The following TMEM232 variants were observed in gnomAD, a reference collection of about 807,000 sequenced individuals.
The protein encoded by TMEM232 is transmembrane protein 232.
A neutral mutation model predicts 78.8 loss-of-function variants in TMEM232; 80 were observed. The observed-to-expected ratio is 1.01, with a 90% CI of 0.85 to 1.22. The LOEUF (loss-of-function observed/expected upper bound fraction) is 1.22. TMEM232 is among the 50% of genes most tolerant of loss of function. TMEM232 has a pLI of 0.00. For synonymous variants in TMEM232, 297 were observed against 254.3 expected (o/e 1.17, Z -1.60); for missense variants, 881 against 742.2 (o/e 1.19, Z -2.17).
intron 1 of TMEM232, among the ~76,000 whole-genome samples, chr5:110,688,474 G>A (rs1417474375): frequency 1.1e-4 from 16 of 152,100 alleles, no homozygotes. Context: ...TCCTCTGTTG[G>A]AGTAGCACTC....
chr5:110,733,118 AT>A (rs1252967750), intron 2 of TMEM232, among the ~76,000 whole-genome samples: 1 of 152,234 alleles, frequency 6.6e-6, no homozygotes, highest in African/African-American at 2.4e-5. Context: ...CAAAAGCACA[AT>A]GAGTTCCCAT....
intron 10 of TMEM232, among the ~76,000 whole-genome samples, chr5:110,584,629 CTCTG>C (rs1168598734): frequency 1.3e-5 from 2 of 152,046 alleles, no homozygotes; most frequent in East Asian, 1.9e-4. Context: ...TTAGTGATGT[CTCTG>C]TCTGTGAACA....
intron 1 of TMEM232, among the ~76,000 whole-genome samples, chr5:110,668,117 T>G (rs1432367592): frequency 1.3e-5 from 2 of 152,076 alleles, no homozygotes; most frequent in Non-Finnish European, 2.9e-5. Context: ...AGTCAAAGTT[T>G]TGGCAGGAAA....
intron 6 of TMEM232, 105 bp from the exon 7 acceptor site, chr5:110,625,538 G>T: frequency 9.9e-7 from 1 of 1,014,510 alleles, no homozygotes; most frequent in Non-Finnish European, 1.3e-6. Flanking sequence ...GTACTTAGAT[G>T]CAGAAACTGC....
rs1260932041 is a variant in TMEM232 at position 110,477,608 on chromosome 5, C to G, written c.1703+50980G>C. Among the ~76,000 whole-genome samples, 3 of 151,762 alleles carry G rather than the reference C, an allele frequency of 2.0e-5. No homozygotes were observed. The South Asian group carries it at 6.2e-4, about 31-fold the overall frequency. On this transcript the variant is annotated intron_variant, in intron 12 of 13. Coordinates refer to ENST00000455884, the MANE Select transcript of TMEM232 (RefSeq NM_001039763.4). ...TCATGGTTGTGTTAACTATTACTCTCTTAAGCCTCCATCTATTCAAAAACC... is the reference window on the plus strand; with the variant it reads ...TCATGGTTGTGTTAACTATTACTCTGTTAAGCCTCCATCTATTCAAAAACC...
intron 3 of TMEM232, among the ~76,000 whole-genome samples, chr5:110,390,984 C>G (rs1292240715): frequency 2.0e-5 from 3 of 152,212 alleles, no homozygotes; most frequent in African/African-American, 7.2e-5. Flanking sequence ...TTGCCTCTGA[C>G]CGGAGTTAGA....
intron 10 of TMEM232, among the ~76,000 whole-genome samples, chr5:110,582,625 G>A (rs1778337869): frequency 6.6e-6 from 1 of 151,884 alleles, no homozygotes; most frequent in South Asian, 2.1e-4. Flanking sequence ...CTCTGGTGAT[G>A]TCTATTTAAC....
chr5:110,726,034 G>A (rs1032632891), intron 1 of TMEM232, among the ~76,000 whole-genome samples: 6 of 150,604 alleles, frequency 4.0e-5, no homozygotes, highest in African/African-American at 1.5e-4. Context: ...TAGACAACTT[G>A]GATATTTTTC....
intron 10 of TMEM232, among the ~76,000 whole-genome samples, chr5:110,588,016 CT>C (rs1416303614): frequency 6.6e-6 from 1 of 151,690 alleles, no homozygotes; most frequent in Non-Finnish European, 1.5e-5. Context: ...TTACTGAATA[CT>C]TTCTTGAATA....
At position 110,556,335 on chromosome 5, in the gene TMEM232, T is replaced by TCCTTCCTCCCTTC. The variant is rs1256247119; in HGVS notation, c.1455+12099_1455+12111dup. Among the ~76,000 whole-genome samples, 38 of 142,160 alleles carry TCCTTCCTCCCTTC rather than the reference T, an allele frequency of 2.7e-4. No individual in the cohort carries two copies. In the East Asian group the frequency reaches 3.9e-3, roughly 14 times the overall value. 93.3% of individuals were successfully genotyped at this position (142,160 alleles called of 152,430 possible). Reference sequence around the variant, plus strand: ...TCCTTTCTTCTTTCCTTCCTCCCTTTCCTTCCTCCCTTCCCTTCCCTTCCC... The same window carrying TCCTTCCTCCCTTC: ...TCCTTTCTTCTTTCCTTCCTCCCTTTCCTTCCTCCCTTCCCTTCCTCCCTTCCCTTCCCTTCCC... On this transcript the variant is annotated intron_variant, in intron 11 of 13. Transcript: ENST00000455884.
chr5:110,508,365 A>G (rs1347481785), intron 12 of TMEM232, among the ~76,000 whole-genome samples: 8 of 151,798 alleles, frequency 5.3e-5, no homozygotes, highest in Non-Finnish European at 1.2e-4. Flanking sequence ...CCCTTTAAAA[A>G]ACGAGGTAGG....
downstream of TMEM232, chr5:110,417,618 C>CTTTTTTTTTTTTTTTTTT (rs1181888424): frequency 8.4e-6 from 1 of 119,288 alleles, no homozygotes; most frequent in Non-Finnish European, 1.8e-5. Context: ...TTTTCTTTTT[C>CTTTTTTTTTTTTTTTTTT]TTTTTTTTTT....
At chr5:110,490,122 A>C (rs1293950662) in intron 12 of TMEM232, among the ~76,000 whole-genome samples, 1 of 13,018 alleles carries the variant, frequency 7.7e-5, no homozygotes, top group Admixed American at 7.1e-4. Context: ...TCCGTTTCAA[A>C]AAGAAAGAAA....
At chr5:110,579,547 T>A (rs1384287123) in intron 10 of TMEM232, among the ~76,000 whole-genome samples, 1 of 151,830 alleles carries the variant, frequency 6.6e-6, no homozygotes, top group African/African-American at 2.4e-5. Context: ...ATCATAAGCA[T>A]AAAATGTTTA....
At chr5:110,549,016 A>G (rs1774123951) in intron 11 of TMEM232, among the ~76,000 whole-genome samples, 1 of 152,016 alleles carries the variant, frequency 6.6e-6, no homozygotes, top group East Asian at 1.9e-4. Flanking sequence ...CTTCTAAACA[A>G]TGTATGGTTT....
At chr5:110,593,301 G>C (rs1229031513) in intron 10 of TMEM232, among the ~76,000 whole-genome samples, 1 of 152,148 alleles carries the variant, frequency 6.6e-6, no homozygotes, top group Non-Finnish European at 1.5e-5. Context: ...TAGATGATTA[G>C]CAGAAAGACA....
intron 1 of TMEM232, among the ~76,000 whole-genome samples, chr5:110,695,462 C>G (rs535067584): frequency 1.3e-5 from 2 of 152,084 alleles, no homozygotes; most frequent in African/African-American, 4.8e-5. Flanking sequence ...CAGAGCAGAA[C>G]TGAAGGGAAT....
intron 1 of TMEM232, among the ~76,000 whole-genome samples, chr5:110,711,995 G>T (rs1269243201): frequency 6.6e-6 from 1 of 151,408 alleles, no homozygotes; most frequent in Non-Finnish European, 1.5e-5. Context: ...CCAGCTACTC[G>T]GGAGGCTGAG....
intron 10 of TMEM232, among the ~76,000 whole-genome samples, chr5:110,578,632 C>T (rs1450848100): frequency 1.3e-5 from 2 of 151,982 alleles, no homozygotes; most frequent in East Asian, 3.9e-4. Flanking sequence ...TACTTCATCC[C>T]ATTTGAGGAC....
Sources: gnomAD v4.1 joint callset for allele counts (sites outside exome capture counted in the v4.1 genomes callset) on GRCh38, gnomAD v4.1.1 for gene constraint, MANE v1.5 for transcripts, NCBI Gene and HGNC (gene_info 2026-07-23, HGNC 2026-07-21) for gene names.